TCF12: variants seen among roughly 807,000 people sequenced by gnomAD.
TCF12 encodes DNA-binding protein HTF4.
TCF12 carries 45 observed loss-of-function variants against 86.0 expected under a neutral mutation model. The observed-to-expected ratio is 0.52, with a 90% CI of 0.41 to 0.67. The LOEUF (loss-of-function observed/expected upper bound fraction) is 0.67. Ranked by LOEUF, TCF12 falls within the 30% of genes least tolerant of loss-of-function variation. The pLI is 0.00. For synonymous variants in TCF12, 330 were observed against 299.6 expected, an observed-to-expected ratio of 1.10 and a Z score of -1.05; for missense variants, 881 against 859.9, an observed-to-expected ratio of 1.02 and a Z score of -0.31.
At chr15:57,269,796 A>T (rs1445869450) in intron 18 of TCF12, among the ~76,000 whole-genome samples, 2 of 152,072 alleles carry the variant, frequency 1.3e-5, no homozygotes, top group Admixed American at 6.6e-5. Flanking sequence ...AAAGGATTTT[A>T]TTTCTCCTTC....
intron 13 of TCF12, chr15:57,247,224 C>T (rs2059907390): frequency 3.2e-6 from 2 of 626,782 alleles, no homozygotes; most frequent in Non-Finnish European, 5.8e-6. Context: ...GGACTACCAC[C>T]ATAGTTGCCA....
At chr15:57,060,056 A>G (rs2068343942) in intron 3 of TCF12, among the ~76,000 whole-genome samples, 1 of 152,212 alleles carries the variant, frequency 6.6e-6, no homozygotes, top group South Asian at 2.1e-4. Context: ...TTGGGCAAGA[A>G]GTTTACCTGT....
Position 56,921,239 on chromosome 15 carries a change from T to C in TCF12, c.148+141T>C, listed in dbSNP as rs1459340304. 8 of 480,456 alleles carry C rather than the reference T, an allele frequency of 1.7e-5. No individual in the cohort carries two copies. The East Asian group carries it at 3.1e-4, about 18-fold the overall frequency. 29.8% of individuals were successfully genotyped at this position (480,456 alleles called of 1,614,324 possible). On this transcript the variant is annotated intron_variant, in intron 3 of 20. Transcript: ENST00000333725. ...TTGAGTCAAGTGATAATTAGTAAGATTTATTAATTTTAAAAGATGACAGTT... is the reference window on the plus strand; with the variant it reads ...TTGAGTCAAGTGATAATTAGTAAGACTTATTAATTTTAAAAGATGACAGTT...
chr15:57,248,913 A>C (rs2059982381), intron 13 of TCF12, among the ~76,000 whole-genome samples: 1 of 152,218 alleles, frequency 6.6e-6, no homozygotes, highest in Non-Finnish European at 1.5e-5. Context: ...TGTTTTGCAA[A>C]AGCAGATGCA....
chr15:56,955,565 TAAAAA>T (rs2061474108), intron 3 of TCF12, among the ~76,000 whole-genome samples: 1 of 151,752 alleles, frequency 6.6e-6, no homozygotes, highest in Non-Finnish European at 1.5e-5. Context: ...AATAAATAAA[TAAAAA>T]TAAAAAAAAG....
chr15:57,141,813 G>T (rs1239409302), intron 5 of TCF12, among the ~76,000 whole-genome samples: 1 of 152,196 alleles, frequency 6.6e-6, no homozygotes, highest in Admixed American at 6.5e-5. Context: ...CCCTTAATTT[G>T]CAGTGGCGGG....
intron 9 of TCF12, among the ~76,000 whole-genome samples, chr15:57,231,704 A>G (rs1204976492): frequency 2.0e-5 from 3 of 152,178 alleles, no homozygotes; most frequent in Admixed American, 1.3e-4. Flanking sequence ...CTAGCAAATC[A>G]TTTTTATTTG....
intron 5 of TCF12, among the ~76,000 whole-genome samples, chr15:57,135,637 A>G (rs1231107244): frequency 7.2e-5 from 11 of 152,218 alleles, no homozygotes; most frequent in Admixed American, 4.6e-4. Context: ...GAGATAGAAA[A>G]GCTTTTTAAA....
chr15:57,251,131 G>A (rs1438835443), intron 13 of TCF12: 3 of 436,308 alleles, frequency 6.9e-6, no homozygotes, highest in Admixed American at 3.9e-5. Flanking sequence ...AAAATTACAG[G>A]GTTTTTTTTC....
At chr15:56,926,385 T>C (rs1426164731) in intron 3 of TCF12, among the ~76,000 whole-genome samples, 2 of 151,840 alleles carry the variant, frequency 1.3e-5, no homozygotes, top group Non-Finnish European at 2.9e-5. Context: ...TTCTCTAACA[T>C]AGAAAATGTC....
At chr15:56,969,577 A>G (rs1047617698) in intron 3 of TCF12, among the ~76,000 whole-genome samples, 7 of 133,530 alleles carry the variant, frequency 5.2e-5, no homozygotes, top group Non-Finnish European at 9.2e-5. Flanking sequence ...TCATTCTGTC[A>G]CCCGGACTGG....
rs112302668 is a variant in TCF12, at chr15:57,209,864, A to G, written c.579+12039A>G. Among the ~76,000 whole-genome samples the G allele has an allele frequency of 8.8e-4, 134 of 152,060 alleles. 4 individuals are homozygous for G. The highest frequency in any genetic ancestry group is 3.2e-3 in the African/African-American group (132 of 41,486). On this transcript the variant is annotated intron_variant, in intron 8 of 20. Coordinates refer to ENST00000333725, the MANE Select transcript of TCF12 (RefSeq NM_207037.2). ...TCACTCTAGCCATACTCTCCTTTTT[A>G]CTGCTTCTTAAAGATGTCAAGCACA... is the stretch of plus-strand genomic sequence containing the variant.
At chr15:57,256,931 C>T (rs917457022) in intron 16 of TCF12, among the ~76,000 whole-genome samples, 2 of 152,170 alleles carry the variant, frequency 1.3e-5, no homozygotes, top group Non-Finnish European at 2.9e-5. Flanking sequence ...TATCACTCTT[C>T]CTCCTAGCAT....
intron 5 of TCF12, among the ~76,000 whole-genome samples, chr15:57,107,949 AT>A: frequency 6.6e-6 from 1 of 152,240 alleles, no homozygotes; most frequent in South Asian, 2.1e-4. Context: ...CATTCTGAAG[AT>A]CCATGAATTT....
intron 3 of TCF12, among the ~76,000 whole-genome samples, chr15:56,951,214 TG>T (rs1475516329): frequency 6.6e-6 from 1 of 152,204 alleles, no homozygotes; most frequent in Non-Finnish European, 1.5e-5. Context: ...ATGGTTTGTA[TG>T]GTTATTCATT....
intron 8 of TCF12, among the ~76,000 whole-genome samples, chr15:57,198,539 A>C (rs1272731774): frequency 6.6e-6 from 1 of 152,218 alleles, no homozygotes; most frequent in African/African-American, 2.4e-5. Flanking sequence ...TGTGCTATTA[A>C]ATATACTTTA....
intron 8 of TCF12, among the ~76,000 whole-genome samples, chr15:57,230,584 A>C (rs1303789311): frequency 2.0e-5 from 3 of 152,080 alleles, no homozygotes; most frequent in Non-Finnish European, 1.5e-5. Context: ...CAGACTTGAA[A>C]GTGTACTGGA....
chr15:57,012,797 TTGG>T (rs2064911626), intron 3 of TCF12, among the ~76,000 whole-genome samples: 1 of 152,204 alleles, frequency 6.6e-6, no homozygotes, highest in Admixed American at 6.5e-5. Flanking sequence ...TAAGGGGAAC[TTGG>T]TGGTTTGTCA....
Position 57,166,474 on chromosome 15 carries a change from T to C in TCF12, c.390+8T>C. The C allele has an allele frequency of 1.2e-6, 2 of 1,610,136 alleles. No homozygotes were observed. The highest frequency in any genetic ancestry group is 8.5e-7 in the Non-Finnish European group (1 of 1,178,352). On this transcript the variant is annotated splice_region_variant and intron_variant, in intron 6 of 20. Coordinates refer to ENST00000333725, the MANE Select transcript of TCF12 (RefSeq NM_207037.2). ...GGATTACCAGGCTGTCAAGTAAGTT[T>C]AATGATTAAAAAAAGCAATGAGATG...
Sources: allele counts gnomAD v4.1 joint callset (sites outside exome capture counted in the v4.1 genomes callset), GRCh38; gene constraint gnomAD v4.1.1; transcripts MANE v1.5; gene names NCBI Gene and HGNC (gene_info 2026-07-23, HGNC 2026-07-21).